MAGI2: variants seen among roughly 807,000 people sequenced by gnomAD.
MAGI2 encodes membrane associated guanylate kinase, WW and PDZ domain containing 2, also known as membrane-associated guanylate kinase, WW and PDZ domain-containing protein 2.
A neutral mutation model predicts 133.3 loss-of-function variants in MAGI2; 35 were observed. The ratio of observed to expected loss-of-function variants is 0.26; its 90% CI spans 0.20 to 0.35. The LOEUF (loss-of-function observed/expected upper bound fraction) is 0.35, where lower values mean the gene tolerates loss of function less well. MAGI2 is among the 10% of genes least tolerant of loss of function. The pLI, the probability that MAGI2 is intolerant of heterozygous loss-of-function variation, is 1.00. For synonymous variants in MAGI2, 729 were observed against 710.6 expected (o/e 1.03, Z -0.41); for missense variants, 1,636 against 1,863.4 (o/e 0.88, Z 2.25).
intron 2 of MAGI2, among the ~76,000 whole-genome samples, chr7:78,906,226 C>A (rs1797983618): frequency 6.6e-6 from 1 of 152,244 alleles, no homozygotes; most frequent in African/African-American, 2.4e-5. Flanking sequence ...GGAACACCCA[C>A]ACCACCATGT....
chr7:78,507,214 T>G (rs575161817), intron 4 of MAGI2, among the ~76,000 whole-genome samples: 1 of 151,312 alleles, frequency 6.6e-6, no homozygotes, highest in South Asian at 2.1e-4. Flanking sequence ...ACAAAAAAAA[T>G]GAATAAGGCA....
intron 3 of MAGI2, among the ~76,000 whole-genome samples, chr7:78,577,205 T>A (rs930833675): frequency 6.6e-6 from 1 of 152,212 alleles, no homozygotes; most frequent in Non-Finnish European, 1.5e-5. Context: ...TAGGTGCTAC[T>A]AATTTTATGG....
intron 2 of MAGI2, among the ~76,000 whole-genome samples, chr7:78,781,697 A>C (rs1826413450): frequency 6.6e-6 from 1 of 152,160 alleles, no homozygotes; most frequent in Non-Finnish European, 1.5e-5. Context: ...CATAGTAAAA[A>C]ATTATATTAG....
chr7:78,437,367 T>C (rs1156237633), intron 6 of MAGI2, among the ~76,000 whole-genome samples: 1 of 152,190 alleles, frequency 6.6e-6, no homozygotes, highest in Non-Finnish European at 1.5e-5. Context: ...GAAGAAGTCA[T>C]GCAAAAAGAA....
At chr7:79,264,917 G>T (rs1198385868) in intron 1 of MAGI2, among the ~76,000 whole-genome samples, 1 of 151,960 alleles carries the variant, frequency 6.6e-6, no homozygotes, top group Non-Finnish European at 1.5e-5. Flanking sequence ...TTAACAACCA[G>T]TTCTCAAAAG....
At chr7:78,409,862 A>G (rs932746362) in intron 6 of MAGI2, among the ~76,000 whole-genome samples, 1 of 152,096 alleles carries the variant, frequency 6.6e-6, no homozygotes, top group Non-Finnish European at 1.5e-5. Context: ...AGCTTTACAA[A>G]TTTGTTATTC....
intron 21 of MAGI2, among the ~76,000 whole-genome samples, chr7:78,047,288 G>T (rs1205068383): frequency 2.0e-5 from 3 of 152,156 alleles, no homozygotes; most frequent in Non-Finnish European, 2.9e-5. Flanking sequence ...ATATGTATTT[G>T]GTCAGCTGTC....
chr7:79,350,466 A>T (rs998133241), intron 1 of MAGI2, among the ~76,000 whole-genome samples: 2 of 152,144 alleles, frequency 1.3e-5, no homozygotes, highest in African/African-American at 2.4e-5. Flanking sequence ...GAAGAAAAAA[A>T]TTGCTGTGAG....
At chr7:78,872,569 G>A (rs1201514948) in intron 2 of MAGI2, among the ~76,000 whole-genome samples, 1 of 149,738 alleles carries the variant, frequency 6.7e-6, no homozygotes, top group Non-Finnish European at 1.5e-5. Context: ...AAATATTAGT[G>A]ATAGTCCCGT....
chr7:79,220,693 C>T (rs899149399), intron 1 of MAGI2, among the ~76,000 whole-genome samples: 1 of 152,034 alleles, frequency 6.6e-6, no homozygotes, highest in Non-Finnish European at 1.5e-5. Flanking sequence ...TACCGTGCTG[C>T]CTGGAACAGT....
intron 2 of MAGI2, among the ~76,000 whole-genome samples, chr7:78,969,824 A>G (rs1171434139): frequency 3.3e-5 from 5 of 152,086 alleles, no homozygotes; most frequent in African/African-American, 1.2e-4. Flanking sequence ...AACGGTGATA[A>G]TGTTAGCCAA....
chr7:78,535,872 A>ACCCCCCCCCCCCCCCC (rs148139487), intron 3 of MAGI2, among the ~76,000 whole-genome samples: 1 of 117,988 alleles, frequency 8.5e-6, no homozygotes. Flanking sequence ...TCTTGTGTAC[A>ACCCCCCCCCCCCCCCC]CCCCCCCCGC....
chr7:79,047,521 A>G (rs1192566387), intron 1 of MAGI2, among the ~76,000 whole-genome samples: 3 of 152,172 alleles, frequency 2.0e-5, no homozygotes, highest in Non-Finnish European at 1.5e-5. Context: ...GCCTATATAC[A>G]AATATGTGTG....
chr7:79,367,858 C>CACATATAT, intron 1 of MAGI2, among the ~76,000 whole-genome samples: 1 of 87,114 alleles, frequency 1.1e-5, no homozygotes, highest in East Asian at 3.8e-4. Context: ...ATATATGTGA[C>CACATATAT]ATATATATAT....
chr7:79,101,853 C>G (rs1170171882), intron 1 of MAGI2, among the ~76,000 whole-genome samples: 1 of 151,438 alleles, frequency 6.6e-6, no homozygotes, highest in East Asian at 1.9e-4. Flanking sequence ...CTTTTATTAT[C>G]AAAATTCTGT....
At chr7:78,693,949 C>G (rs1345758549) in intron 2 of MAGI2, among the ~76,000 whole-genome samples, 1 of 152,094 alleles carries the variant, frequency 6.6e-6, no homozygotes, top group Non-Finnish European at 1.5e-5. Context: ...AGGATCAAAG[C>G]TGCCATAGTT....
intron 1 of MAGI2, among the ~76,000 whole-genome samples, chr7:79,257,235 A>G (rs755737281): frequency 1.2e-4 from 18 of 152,162 alleles, no homozygotes; most frequent in Admixed American, 7.9e-4. Context: ...ATTCATAAAC[A>G]TACACTTCAT....
chr7:78,553,106 A>C (rs1025265699), intron 3 of MAGI2, among the ~76,000 whole-genome samples: 16 of 150,938 alleles, frequency 1.1e-4, no homozygotes, highest in East Asian at 1.9e-4. Flanking sequence ...AAAAAAAAAA[A>C]AACAAACACC....
At chr7:79,402,411 C>T (rs1443078032) in intron 1 of MAGI2, among the ~76,000 whole-genome samples, 1 of 152,122 alleles carries the variant, frequency 6.6e-6, no homozygotes, top group Non-Finnish European at 1.5e-5. Context: ...GTCTGTTACA[C>T]AAATTATTGT....
Sources: gnomAD v4.1 joint callset for allele counts (sites outside exome capture counted in the v4.1 genomes callset) on GRCh38, gnomAD v4.1.1 for gene constraint, MANE v1.5 for transcripts, NCBI Gene and HGNC (gene_info 2026-07-23, HGNC 2026-07-21) for gene names.